Variants in EHMT1 observed in about 807,000 individuals in gnomAD.
The protein encoded by EHMT1 is euchromatic histone lysine methyltransferase 1.
Under a neutral mutation model 147.2 loss-of-function variants are expected in EHMT1, and 15 were observed. That is an observed-to-expected ratio of 0.10 (90% CI 0.07 to 0.16). The LOEUF (loss-of-function observed/expected upper bound fraction) is 0.16, where lower values mean the gene tolerates loss of function less well. Ranked by LOEUF, EHMT1 falls within the 10% of genes least tolerant of loss-of-function variation. The pLI is 1.00. For synonymous variants in EHMT1, 795 were observed against 709.6 expected (o/e 1.12, Z -1.91); for missense variants, 1,587 against 1,772.4 (o/e 0.90, Z 1.88).
chr9:137,744,451 T>C (rs1948383231), intron 6 of EHMT1, among the ~76,000 whole-genome samples: 1 of 152,160 alleles, frequency 6.6e-6, no homozygotes, highest in Non-Finnish European at 1.5e-5. Context: ...CCCGAGCAGC[T>C]GGGACCACAG....
At chr9:137,834,303 T>TC in intron 25 of EHMT1, 46 bp from the exon 26 acceptor site, 3 of 1,609,038 alleles carry the variant, frequency 1.9e-6, no homozygotes, top group Non-Finnish European at 2.5e-6. Flanking sequence ...GGCCGGCGTG[T>TC]CGGGGCCTTG....
At chr9:137,674,220 G>T (rs1340222220) in intron 1 of EHMT1, among the ~76,000 whole-genome samples, 2 of 152,144 alleles carry the variant, frequency 1.3e-5, no homozygotes, top group African/African-American at 4.8e-5. Flanking sequence ...GGCGAGGGGG[G>T]CTGCACGTGT....
intron 1 of EHMT1, among the ~76,000 whole-genome samples, chr9:137,697,983 T>TCGTGAGGGCAGCG (rs1943530882): frequency 6.6e-6 from 1 of 151,372 alleles, no homozygotes; most frequent in African/African-American, 2.4e-5. Flanking sequence ...CTCCCCACTG[T>TCGTGAGGGCAGCG]TGTGAGGGCA....
At position 137,624,958 on chromosome 9, in the gene EHMT1, C is replaced by G. The variant is rs555877080; in HGVS notation, c.21+5909C>G. ...AGTGCAGTGACGCGATTGGGTTCACCGCAACCTCCACCTCCTGGGTTCAAG... is the reference window on the plus strand; with the variant it reads ...AGTGCAGTGACGCGATTGGGTTCACGGCAACCTCCACCTCCTGGGTTCAAG... On this transcript the variant is annotated intron_variant, in intron 1 of 26. Transcript: ENST00000460843. Among the ~76,000 whole-genome samples, 8 of 151,860 alleles carry G rather than the reference C, an allele frequency of 5.3e-5. No individual in the cohort carries two copies. In the East Asian group the frequency reaches 1.6e-3, roughly 30 times the overall value.
intron 24 of EHMT1, 37 bp downstream of exon 24, chr9:137,817,562 A>G (rs1955020922): frequency 5.6e-6 from 9 of 1,613,184 alleles, no homozygotes; most frequent in African/African-American, 1.3e-5. Flanking sequence ...GCCTGGTGTC[A>G]TTTCTGGGAC....
At chr9:137,773,698 C>T (rs1950740422) in intron 10 of EHMT1, among the ~76,000 whole-genome samples, 1 of 152,212 alleles carries the variant, frequency 6.6e-6, no homozygotes, top group Non-Finnish European at 1.5e-5. Flanking sequence ...ACAGAACTCA[C>T]AGTGATGGTG....
intron 1 of EHMT1, among the ~76,000 whole-genome samples, chr9:137,682,138 CG>C (rs1387600559): frequency 1.3e-5 from 2 of 151,892 alleles, no homozygotes; most frequent in Admixed American, 1.3e-4. Context: ...TTAGTAGAGA[CG>C]GGGTTTCTCC....
chr9:137,654,110 G>A (rs1048529968), intron 1 of EHMT1, among the ~76,000 whole-genome samples: 4 of 152,102 alleles, frequency 2.6e-5, no homozygotes, highest in East Asian at 1.9e-4. Context: ...GGCTGGGCGC[G>A]GTGGCTCACG....
At chr9:137,727,100 C>T (rs1008313396) in intron 3 of EHMT1, among the ~76,000 whole-genome samples, 11 of 152,214 alleles carry the variant, frequency 7.2e-5, no homozygotes, top group Middle Eastern at 3.4e-3. Flanking sequence ...CCATAACCTG[C>T]TTTTTCACTG....
chr9:137,694,036 C>T (rs1342804966), intron 1 of EHMT1, among the ~76,000 whole-genome samples: 3 of 113,042 alleles, frequency 2.7e-5, no homozygotes, highest in Admixed American at 8.9e-5. Flanking sequence ...TGGTGCTGGA[C>T]GCTGGCCGAT....
At chr9:137,735,190 G>A (rs555244055) in intron 4 of EHMT1, among the ~76,000 whole-genome samples, 31 of 152,142 alleles carry the variant, frequency 2.0e-4, no homozygotes, top group East Asian at 3.8e-4. Flanking sequence ...GCATTTAAAC[G>A]AATTGTTTAT....
At chr9:137,657,728 G>A (rs1004361447) in intron 1 of EHMT1, among the ~76,000 whole-genome samples, 2 of 151,886 alleles carry the variant, frequency 1.3e-5, no homozygotes, top group African/African-American at 2.4e-5. Flanking sequence ...GTTGACTCTG[G>A]TCACTTTGCT....
chr9:137,716,714 T>G lies in EHMT1; in HGVS notation c.174T>G (p.Cys58Trp), dbSNP rs1391414320. Reference protein sequence around the residue: ...MAADGETNGSCENSDASSHAN... With the variant: ...MAADGETNGSWENSDASSHAN... The stretch of plus-strand genomic sequence containing the variant: ...CGGACGGTGAGACCAATGGGTCTTG[T>G]GAAAACAGCGATGCCAGCAGTCATG... Residue 58 changes from cysteine (C) to tryptophan (W), a missense_variant, in exon 3 of 27, where the codon TGT becomes TGG. Cys to Trp is a radical substitution (Grantham distance 215). Transcript: ENST00000460843. 1.9e-6 allele frequency: 3 copies of G among 1,611,714 alleles called. No homozygotes were observed. Among genetic ancestry groups the G allele is most frequent in the Non-Finnish European group, 2.5e-6 (3 of 1,178,800 alleles).
In EHMT1 at chr9:137,832,143, C is replaced by T. The variant is rs76916691; in HGVS notation, c.3541-2206C>T. 1.1e-3 allele frequency among the ~76,000 whole-genome samples: 170 copies of T among 151,534 alleles called. 3 individuals are homozygous for T. In the East Asian group the frequency reaches 0.016, roughly 14 times the overall value. On this transcript the variant is annotated intron_variant, in intron 25 of 26. Transcript: ENST00000460843. ...CTCCCTCCGCAGAACCCCCCAACCCCACGTGGCCCCTGTGCCTTCCCTCCA... is the reference window on the plus strand; with the variant it reads ...CTCCCTCCGCAGAACCCCCCAACCCTACGTGGCCCCTGTGCCTTCCCTCCA...
intron 1 of EHMT1, among the ~76,000 whole-genome samples, chr9:137,651,297 G>T (rs1589121887): frequency 6.6e-6 from 1 of 151,992 alleles, no homozygotes; most frequent in East Asian, 1.9e-4. Flanking sequence ...TGTTGCTTGT[G>T]CCTTTTGTGT....
chr9:137,697,889 T>A (rs538639656), intron 1 of EHMT1, among the ~76,000 whole-genome samples: 216 of 152,336 alleles, frequency 1.4e-3, no homozygotes, highest in Non-Finnish European at 2.6e-3. Context: ...TTGAGTAAAA[T>A]GTGATTGCAT....
At chr9:137,748,038 A>G (rs1029105782) in intron 6 of EHMT1, 1 of 151,788 alleles carries the variant, frequency 6.6e-6, no homozygotes, top group Non-Finnish European at 1.5e-5. Flanking sequence ...TATTTATATT[A>G]TTAGTTAATT....
At chr9:137,635,622 C>T (rs1044495062) in intron 1 of EHMT1, among the ~76,000 whole-genome samples, 9 of 151,384 alleles carry the variant, frequency 5.9e-5, no homozygotes, top group South Asian at 2.1e-4. Context: ...AGATCGAGAC[C>T]ATCCTGGCTA....
intron 4 of EHMT1, among the ~76,000 whole-genome samples, chr9:137,739,864 C>T (rs942739934): frequency 1.3e-5 from 2 of 152,102 alleles, no homozygotes; most frequent in South Asian, 2.1e-4. Flanking sequence ...GTGGACTTGT[C>T]GGGCAGGGAG....
Sources: gnomAD v4.1 joint callset for allele counts (sites outside exome capture counted in the v4.1 genomes callset) on GRCh38, gnomAD v4.1.1 for gene constraint, MANE v1.5 for transcripts, NCBI Gene and HGNC (gene_info 2026-07-23, HGNC 2026-07-21) for gene names.